MAGI2: variants seen among roughly 807,000 people sequenced by gnomAD.
MAGI2 encodes membrane associated guanylate kinase, WW and PDZ domain containing 2.
A neutral mutation model predicts 133.3 loss-of-function variants in MAGI2; 35 were observed. The observed-to-expected ratio is 0.26, with a 90% CI of 0.20 to 0.35. MAGI2 has a LOEUF of 0.35. MAGI2 is among the 10% of genes least tolerant of loss of function. The pLI is 1.00. For missense variants in MAGI2, 1,636 were observed against 1,863.4 expected (o/e 0.88, Z 2.25); for synonymous variants, 729 against 710.6 (o/e 1.03, Z -0.41).
At chr7:78,632,360 G>C (rs763788565) in intron 2 of MAGI2, among the ~76,000 whole-genome samples, 32 of 152,178 alleles carry the variant, frequency 2.1e-4, no homozygotes, top group Non-Finnish European at 4.3e-4. Flanking sequence ...TGTTAGCTTA[G>C]ACAGTATGGA....
At chr7:78,469,556 TA>T (rs373811824) in intron 6 of MAGI2, among the ~76,000 whole-genome samples, 2 of 151,410 alleles carry the variant, frequency 1.3e-5, no homozygotes, top group East Asian at 1.9e-4. Context: ...TTAGCCCAGG[TA>T]AAAAAAAAGA....
chr7:78,392,785 A>G (rs1253816126), intron 6 of MAGI2, among the ~76,000 whole-genome samples: 2 of 152,178 alleles, frequency 1.3e-5, no homozygotes, highest in African/African-American at 4.8e-5. Context: ...CTGGGATTAC[A>G]GGCATGCGCC....
chr7:79,416,965 C>G lies in MAGI2; in HGVS notation c.301+36055G>C, dbSNP rs117955628. ...GCTAGGCTGGTCTCTTACTCCGGAT[C>G]TTGTGATCTGCCCACCTCAGCCTCC... On this transcript the variant is annotated intron_variant, in intron 1 of 21. Transcript: ENST00000354212. 1.6e-3 allele frequency among the ~76,000 whole-genome samples: 241 copies of G among 152,006 alleles called. 9 individuals carry two copies. In the East Asian group the frequency reaches 0.04, roughly 26 times the overall value.
intron 2 of MAGI2, among the ~76,000 whole-genome samples, chr7:78,800,789 T>C (rs780357106): frequency 1.3e-5 from 2 of 152,106 alleles, no homozygotes; most frequent in Non-Finnish European, 2.9e-5. Flanking sequence ...GTCATCCATA[T>C]TTCCTTGCTC....
intron 1 of MAGI2, among the ~76,000 whole-genome samples, chr7:79,378,059 C>G (rs1843500253): frequency 6.6e-6 from 1 of 151,748 alleles, no homozygotes; most frequent in African/African-American, 2.4e-5. Context: ...AGATGCTGTT[C>G]CTTCTAAGTT....
intron 19 of MAGI2, among the ~76,000 whole-genome samples, chr7:78,126,975 T>A (rs992886623): frequency 4.6e-5 from 7 of 152,252 alleles, no homozygotes; most frequent in African/African-American, 1.4e-4. Flanking sequence ...TATTTATGTA[T>A]TTATCCATAT....
chr7:78,643,090 T>G (rs1231425362), intron 2 of MAGI2, among the ~76,000 whole-genome samples: 2 of 152,220 alleles, frequency 1.3e-5, no homozygotes, highest in Non-Finnish European at 2.9e-5. Context: ...CATTACACAT[T>G]GTATACATGT....
chr7:78,280,945 C>T (rs1159325449), intron 9 of MAGI2, among the ~76,000 whole-genome samples: 3 of 151,762 alleles, frequency 2.0e-5, no homozygotes, highest in African/African-American at 7.3e-5. Flanking sequence ...GTCATCACAC[C>T]ATGGCAGAGC....
chr7:78,430,967 A>G (rs536183678), intron 6 of MAGI2, among the ~76,000 whole-genome samples: 2 of 152,182 alleles, frequency 1.3e-5, no homozygotes, highest in South Asian at 4.1e-4. Context: ...ACAATTTTGC[A>G]CAGGTTTGCC....
chr7:79,094,608 T>C (rs1056689246), intron 1 of MAGI2, among the ~76,000 whole-genome samples: 112 of 152,344 alleles, frequency 7.4e-4, no homozygotes, highest in African/African-American at 2.7e-3. Flanking sequence ...CCTTATGAGA[T>C]GTATTTCTTA....
chr7:78,692,708 G>A (rs926777906), intron 2 of MAGI2, among the ~76,000 whole-genome samples: 2 of 152,024 alleles, frequency 1.3e-5, no homozygotes, highest in Non-Finnish European at 2.9e-5. Flanking sequence ...TATCCTTTGT[G>A]ATCAAATAAA....
At chr7:78,468,338 C>G (rs181870291) in intron 6 of MAGI2, among the ~76,000 whole-genome samples, 1 of 151,942 alleles carries the variant, frequency 6.6e-6, no homozygotes, top group Non-Finnish European at 1.5e-5. Flanking sequence ...TCCAGGCAGA[C>G]AATATAAATG....
intron 2 of MAGI2, among the ~76,000 whole-genome samples, chr7:78,703,553 G>C (rs1036091045): frequency 1.3e-5 from 2 of 152,094 alleles, no homozygotes; most frequent in Non-Finnish European, 1.5e-5. Flanking sequence ...TAATATGACT[G>C]TTCTAGATAC....
intron 1 of MAGI2, among the ~76,000 whole-genome samples, chr7:79,366,816 T>G (rs1307666730): frequency 3.3e-5 from 5 of 152,166 alleles, no homozygotes; most frequent in Non-Finnish European, 7.4e-5. Flanking sequence ...TGAAACAGAA[T>G]TTTTTCATAG....
intron 2 of MAGI2, among the ~76,000 whole-genome samples, chr7:78,633,167 C>T (rs1485779274): frequency 6.6e-6 from 1 of 152,156 alleles, no homozygotes; most frequent in Non-Finnish European, 1.5e-5. Context: ...TGCGTGTTCT[C>T]ACTTATAAGT....
intron 2 of MAGI2, among the ~76,000 whole-genome samples, chr7:78,755,757 G>C (rs1341163362): frequency 6.6e-6 from 1 of 152,142 alleles, no homozygotes; most frequent in Non-Finnish European, 1.5e-5. Flanking sequence ...GTAAAATTTG[G>C]AAGTATAGCT....
intron 2 of MAGI2, among the ~76,000 whole-genome samples, chr7:78,789,547 C>G (rs1827101490): frequency 6.6e-6 from 1 of 151,782 alleles, no homozygotes; most frequent in Non-Finnish European, 1.5e-5. Flanking sequence ...CTTTATTTTT[C>G]AAAATTCATT....
At chr7:79,426,840 AT>A (rs1847404653) in intron 1 of MAGI2, among the ~76,000 whole-genome samples, 1 of 152,150 alleles carries the variant, frequency 6.6e-6, no homozygotes, top group Non-Finnish European at 1.5e-5. Context: ...CTGTACCTTG[AT>A]TTGAACTGCC....
chr7:78,628,056 G>C (rs1218535571), intron 2 of MAGI2, among the ~76,000 whole-genome samples: 1 of 152,204 alleles, frequency 6.6e-6, no homozygotes, highest in African/African-American at 2.4e-5. Flanking sequence ...GGTGGCAGGA[G>C]TATCAGCTAC....
Sources: allele counts gnomAD v4.1 joint callset (sites outside exome capture counted in the v4.1 genomes callset), GRCh38; gene constraint gnomAD v4.1.1; transcripts MANE v1.5; gene names NCBI Gene and HGNC (gene_info 2026-07-23, HGNC 2026-07-21).